Variants in DIS3L2 observed in about 807,000 individuals in gnomAD.
DIS3L2 encodes DIS3 like 3'-5' exoribonuclease 2, also known as DIS3-like exonuclease 2.
A neutral mutation model predicts 97.5 loss-of-function variants in DIS3L2; 34 were observed. That is an observed-to-expected ratio of 0.35 (90% CI 0.27 to 0.46). DIS3L2 has a LOEUF of 0.46. Among genes scored for constraint, DIS3L2 ranks in the 20% least tolerant of loss-of-function variants. The pLI is 1.00. For synonymous variants in DIS3L2, 435 were observed against 445.2 expected, an observed-to-expected ratio of 0.98 and a Z score of 0.29; for missense variants, 1,038 against 1,146.0, an observed-to-expected ratio of 0.91 and a Z score of 1.36.
intron 15 of DIS3L2, among the ~76,000 whole-genome samples, chr2:232,330,472 C>T (rs1695702941): frequency 6.6e-6 from 1 of 152,196 alleles, no homozygotes; most frequent in South Asian, 2.1e-4. Flanking sequence ...GAGCTGGAGC[C>T]CAGTGAGTCC....
In DIS3L2 at chr2:232,018,767, G is replaced by A. The variant is rs939119899; in HGVS notation, c.210+3096G>A. Among the ~76,000 whole-genome samples, 5 of 151,866 alleles carry A rather than the reference G, an allele frequency of 3.3e-5. No individual in the cohort carries two copies. The South Asian group carries it at 1.0e-3, about 32-fold the overall frequency. On this transcript the variant is annotated intron_variant, in intron 3 of 20. Coordinates refer to ENST00000325385, the MANE Select transcript of DIS3L2 (RefSeq NM_152383.5). The stretch of plus-strand genomic sequence containing the variant: ...TTTTCAATACCTTAACTAATACTTC[G>A]ACATTTCATTAGTATTTTTTCCTAT...
At chr2:232,236,659 T>G (rs901198272) in intron 10 of DIS3L2, among the ~76,000 whole-genome samples, 1 of 152,240 alleles carries the variant, frequency 6.6e-6, no homozygotes, top group Non-Finnish European at 1.5e-5. Context: ...CAAGTTGTAT[T>G]GTTCAACTGA....
chr2:232,312,418 C>T (rs1158422674), intron 14 of DIS3L2, among the ~76,000 whole-genome samples: 1 of 152,200 alleles, frequency 6.6e-6, no homozygotes, highest in Non-Finnish European at 1.5e-5. Context: ...TACCCATATG[C>T]ACAGATCTGT....
At chr2:232,123,232 G>A (rs534200084) in intron 6 of DIS3L2, among the ~76,000 whole-genome samples, 4 of 152,086 alleles carry the variant, frequency 2.6e-5, no homozygotes, top group African/African-American at 7.2e-5. Context: ...TGAACCCTGG[G>A]ATAAGTTAGT....
At chr2:232,053,578 TG>T (rs2058431707) in intron 5 of DIS3L2, among the ~76,000 whole-genome samples, 1 of 152,238 alleles carries the variant, frequency 6.6e-6, no homozygotes, top group Admixed American at 6.5e-5. Context: ...TACTTCTGAC[TG>T]GCTATTATTT....
intron 5 of DIS3L2, among the ~76,000 whole-genome samples, chr2:232,077,133 T>G (rs1696214457): frequency 6.6e-6 from 1 of 152,192 alleles, no homozygotes; most frequent in African/African-American, 2.4e-5. Flanking sequence ...TTCATGGTTT[T>G]TCTGGGTGCC....
At chr2:232,330,276 C>T (rs1373537253) in intron 15 of DIS3L2, among the ~76,000 whole-genome samples, 1 of 152,218 alleles carries the variant, frequency 6.6e-6, no homozygotes, top group Non-Finnish European at 1.5e-5. Flanking sequence ...TGGTCTTGGG[C>T]CCAGAGGCTT....
intron 5 of DIS3L2, among the ~76,000 whole-genome samples, chr2:232,052,918 C>A (rs1461370002): frequency 1.3e-5 from 2 of 152,092 alleles, no homozygotes; most frequent in East Asian, 3.9e-4. Flanking sequence ...TGAATGACTC[C>A]CACTATGTGA....
At chr2:232,079,594 T>C (rs1574857783) in intron 5 of DIS3L2, among the ~76,000 whole-genome samples, 2 of 85,998 alleles carry the variant, frequency 2.3e-5, no homozygotes, top group Admixed American at 2.0e-4. Context: ...AGCAAGACTC[T>C]ATCTCAAAAA....
chr2:232,337,202 C>T (rs552522407), downstream of DIS3L2: 46 of 990,064 alleles, frequency 4.6e-5, no homozygotes, highest in Admixed American at 2.5e-3. Flanking sequence ...ACACTGAGAG[C>T]GCCCCCATCA....
chr2:232,289,992 G>C (rs1694553337), intron 13 of DIS3L2, among the ~76,000 whole-genome samples: 1 of 152,256 alleles, frequency 6.6e-6, no homozygotes, highest in Non-Finnish European at 1.5e-5. Context: ...TGCATTGGAA[G>C]GGGTGATATG....
chr2:232,198,007 G>A (rs893442086), intron 9 of DIS3L2, among the ~76,000 whole-genome samples: 5 of 151,606 alleles, frequency 3.3e-5, no homozygotes, highest in African/African-American at 9.7e-5. Flanking sequence ...AAGGGTAGAA[G>A]TAGGGGAGAT....
At chr2:232,119,223 C>T (rs1697819131) in intron 6 of DIS3L2, among the ~76,000 whole-genome samples, 1 of 152,200 alleles carries the variant, frequency 6.6e-6, no homozygotes, top group Non-Finnish European at 1.5e-5. Flanking sequence ...TCTAGTCTAG[C>T]TTCCCATGCT....
chr2:232,245,281 G>A (rs1322405841), intron 11 of DIS3L2, among the ~76,000 whole-genome samples: 1 of 152,172 alleles, frequency 6.6e-6, no homozygotes, highest in Non-Finnish European at 1.5e-5. Context: ...TGCATGGACT[G>A]TTGCGCCATG....
At chr2:232,197,033 T>G (rs556018101) in intron 9 of DIS3L2, among the ~76,000 whole-genome samples, 75 of 152,280 alleles carry the variant, frequency 4.9e-4, no homozygotes, top group African/African-American at 1.5e-3. Context: ...TTTAGCCTGA[T>G]AAATGGATTG....
intron 13 of DIS3L2, among the ~76,000 whole-genome samples, chr2:232,299,528 C>T (rs1349327789): frequency 2.0e-5 from 3 of 152,216 alleles, no homozygotes; most frequent in Non-Finnish European, 4.4e-5. Context: ...AGAACCCTCT[C>T]CACTCCCCAT....
At chr2:232,147,877 A>G (rs755309318) in intron 8 of DIS3L2, among the ~76,000 whole-genome samples, 124 of 152,108 alleles carry the variant, frequency 8.2e-4, no homozygotes, top group Non-Finnish European at 1.3e-3. Flanking sequence ...CTGGTTTTCA[A>G]GGTGACAGAA....
intron 13 of DIS3L2, among the ~76,000 whole-genome samples, chr2:232,275,624 AT>A (rs1017540339): frequency 1.1e-4 from 16 of 152,252 alleles, no homozygotes; most frequent in African/African-American, 3.9e-4. Flanking sequence ...CATGGCAGAT[AT>A]TTTTAGACTA....
intron 14 of DIS3L2, among the ~76,000 whole-genome samples, chr2:232,303,957 A>G (rs1391108157): frequency 6.6e-6 from 1 of 152,126 alleles, no homozygotes. Flanking sequence ...GGCTAGAGGC[A>G]CAGCTGTCGG....
Sources: gnomAD v4.1 joint callset for allele counts (sites outside exome capture counted in the v4.1 genomes callset) on GRCh38, gnomAD v4.1.1 for gene constraint, MANE v1.5 for transcripts, NCBI Gene and HGNC (gene_info 2026-07-23, HGNC 2026-07-21) for gene names.